TMEM131L: variants seen among roughly 807,000 people sequenced by gnomAD.
The protein encoded by TMEM131L is transmembrane 131 like, also known as transmembrane protein 131-like.
A neutral mutation model predicts 192.2 loss-of-function variants in TMEM131L; 54 were observed. That is an observed-to-expected ratio of 0.28 (90% CI 0.23 to 0.35). TMEM131L has a LOEUF of 0.35. Among genes scored for constraint, TMEM131L ranks in the 10% least tolerant of loss-of-function variants. The pLI is 1.00. For missense variants in TMEM131L, 1,888 were observed against 1,972.9 expected (o/e 0.96, Z 0.82); for synonymous variants, 701 against 704.9 (o/e 0.99, Z 0.09).
intron 3 of TMEM131L, among the ~76,000 whole-genome samples, chr4:153,482,871 G>A (rs757234466): frequency 2.1e-4 from 32 of 152,060 alleles, no homozygotes; most frequent in Non-Finnish European, 4.1e-4. Flanking sequence ...CATTACAGGC[G>A]TGAGCCATCG....
At chr4:153,544,050 C>T (rs979034185) in intron 3 of TMEM131L, among the ~76,000 whole-genome samples, 1 of 151,362 alleles carries the variant, frequency 6.6e-6, no homozygotes, top group Non-Finnish European at 1.5e-5. Flanking sequence ...AACCTTTTGC[C>T]AACATCCAGC....
chr4:153,491,897 CA>C (rs1400440207), intron 3 of TMEM131L, among the ~76,000 whole-genome samples: 1 of 152,072 alleles, frequency 6.6e-6, no homozygotes. Flanking sequence ...TTTGTAGAGA[CA>C]AGGTTTCATG....
chr4:153,632,834 A>T lies in TMEM131L; in HGVS notation c.4324A>T (p.Asn1442Tyr). The change falls in exon 32 of 35, where the codon AAT becomes TAT. Residue 1442 changes from asparagine to tyrosine, a missense_variant. By Grantham distance (143) the Asn-to-Tyr change is moderately radical. Transcript: ENST00000409959. ...GATTCAGGAGTCGGCCCCGGTTCAT[A>T]ATAGGTACAGCTTCACTTCTCTGAT... ...CVIQESAPVH[N>Y]SFIDWSATCE... 1.2e-6 allele frequency: 2 copies of T among 1,614,122 alleles called. No individual in the cohort carries two copies. Among genetic ancestry groups the T allele is most frequent in the Middle Eastern group, 1.6e-4 (1 of 6,062 alleles).
intron 3 of TMEM131L, among the ~76,000 whole-genome samples, chr4:153,491,778 C>T (rs1448417955): frequency 6.6e-6 from 1 of 152,058 alleles, no homozygotes; most frequent in Non-Finnish European, 1.5e-5. Flanking sequence ...CCAGTCTTGG[C>T]TCACTACAAC....
intron 3 of TMEM131L, among the ~76,000 whole-genome samples, chr4:153,543,892 T>C (rs934297878): frequency 5.3e-5 from 8 of 152,172 alleles, no homozygotes; most frequent in Non-Finnish European, 1.0e-4. Context: ...GCCCAGTAAG[T>C]GTCTCGTTAG....
chr4:153,475,682 GA>G (rs58082902), intron 3 of TMEM131L, among the ~76,000 whole-genome samples: 13,023 of 150,594 alleles, frequency 0.086, 1,595 homozygotes, highest in African/African-American at 0.27. Context: ...CGAAAATACA[GA>G]AAAAAAAAGT....
chr4:153,626,263 G>T (rs1733837231), intron 30 of TMEM131L, 38 bp downstream of exon 30: 1 of 1,256,686 alleles, frequency 8.0e-7, no homozygotes, highest in African/African-American at 1.5e-5. Context: ...AGTATGTTTT[G>T]TGTACTGCTT....
At chr4:153,510,552 C>T (rs1580104982) in intron 3 of TMEM131L, among the ~76,000 whole-genome samples, 1 of 152,158 alleles carries the variant, frequency 6.6e-6, no homozygotes, top group East Asian at 1.9e-4. Context: ...AATGACTGGG[C>T]AAAGGAACCT....
chr4:153,602,760 T>G (rs772184902), intron 23 of TMEM131L, 33 bp downstream of exon 23: 10 of 1,597,136 alleles, frequency 6.3e-6, no homozygotes, highest in Non-Finnish European at 8.6e-6. Flanking sequence ...GTTCTCTCAC[T>G]GAGTAGAGAA....
At chr4:153,547,599 G>A (rs189558863) in intron 3 of TMEM131L, among the ~76,000 whole-genome samples, 2 of 151,656 alleles carry the variant, frequency 1.3e-5, no homozygotes, top group African/African-American at 2.4e-5. Flanking sequence ...GGGGTAGATC[G>A]TTTCCATTTT....
At chr4:153,533,180 T>C (rs1736045312) in intron 3 of TMEM131L, among the ~76,000 whole-genome samples, 1 of 152,086 alleles carries the variant, frequency 6.6e-6, no homozygotes, top group African/African-American at 2.4e-5. Context: ...AGACGGGGTT[T>C]CTCCATGTTG....
chr4:153,491,615 A>G (rs762147102), intron 3 of TMEM131L, among the ~76,000 whole-genome samples: 2 of 152,102 alleles, frequency 1.3e-5, no homozygotes, highest in Non-Finnish European at 2.9e-5. Context: ...TTTATTTAGT[A>G]TAGTGAAAGC....
intron 7 of TMEM131L, among the ~76,000 whole-genome samples, chr4:153,566,486 TAAAG>T (rs1279425482): frequency 6.6e-6 from 1 of 150,852 alleles, no homozygotes; most frequent in African/African-American, 2.5e-5. Context: ...TTCTGCCAAA[TAAAG>T]GTAGTTTTGT....
chr4:153,592,168 A>G (rs1365046901), intron 17 of TMEM131L, among the ~76,000 whole-genome samples: 1 of 152,066 alleles, frequency 6.6e-6, no homozygotes, highest in East Asian at 1.9e-4. Flanking sequence ...GTATATGTAG[A>G]TCAAGTGTTT....
rs768068183 is a variant in TMEM131L, at chr4:153,636,584, T to G, written c.*8T>G. 6.2e-7 allele frequency: 1 copy of G among 1,607,454 alleles called. No individual in the cohort carries two copies. The highest frequency in any genetic ancestry group is 2.2e-5 in the East Asian group (1 of 44,728). Reference sequence around the variant, plus strand: ...TACTGTGGGAATGTGTGAAAATAATTGGATTTTTAAACAATGTGAATAAAG... The same window carrying G: ...TACTGTGGGAATGTGTGAAAATAATGGGATTTTTAAACAATGTGAATAAAG... On this transcript the variant is annotated 3_prime_UTR_variant, in exon 35 of 35. Transcript: ENST00000409959.
At chr4:153,496,400 C>T (rs531260634) in intron 3 of TMEM131L, among the ~76,000 whole-genome samples, 1 of 152,192 alleles carries the variant, frequency 6.6e-6, no homozygotes, top group African/African-American at 2.4e-5. Context: ...GACCACCCCC[C>T]TCATGTCAGT....
At chr4:153,608,774 C>A (rs1732414699) in intron 25 of TMEM131L, among the ~76,000 whole-genome samples, 1 of 152,200 alleles carries the variant, frequency 6.6e-6, no homozygotes, top group African/African-American at 2.4e-5. Context: ...AGATTTGAGA[C>A]AGTACAACTT....
chr4:153,534,878 AC>A (rs890502085), intron 3 of TMEM131L, among the ~76,000 whole-genome samples: 4 of 152,116 alleles, frequency 2.6e-5, no homozygotes, highest in African/African-American at 9.7e-5. Flanking sequence ...AAGCCAGAAG[AC>A]CCTTGTGGTG....
intron 3 of TMEM131L, among the ~76,000 whole-genome samples, chr4:153,536,176 G>A (rs12645934): frequency 0.041 from 6,240 of 152,250 alleles, 355 homozygotes; most frequent in East Asian, 0.25. Context: ...CAAGACTGGG[G>A]CAGACCTGGC....
Sources: allele counts gnomAD v4.1 joint callset (sites outside exome capture counted in the v4.1 genomes callset), GRCh38; gene constraint gnomAD v4.1.1; transcripts MANE v1.5; gene names NCBI Gene and HGNC (gene_info 2026-07-23, HGNC 2026-07-21).